Variants in PAPOLA observed in about 807,000 individuals in gnomAD.
PAPOLA encodes polynucleotide adenylyltransferase alpha.
A neutral mutation model predicts 100.6 loss-of-function variants in PAPOLA; 15 were observed. The observed-to-expected ratio is 0.15, with a 90% CI of 0.10 to 0.23. The LOEUF is 0.23. PAPOLA is among the 10% of genes least tolerant of loss of function. PAPOLA has a pLI of 1.00. For missense variants in PAPOLA, 533 were observed against 884.2 expected, an observed-to-expected ratio of 0.60 and a Z score of 5.04; for synonymous variants, 293 against 300.0, an observed-to-expected ratio of 0.98 and a Z score of 0.24.
chr14:96,541,565 A>G, intron 12 of PAPOLA, among the ~76,000 whole-genome samples: 1 of 152,138 alleles, frequency 6.6e-6, no homozygotes, highest in Non-Finnish European at 1.5e-5. Flanking sequence ...TTCATTATTT[A>G]TTTGATCATG....
At chr14:96,527,779 A>T in intron 5 of PAPOLA, 174 bp from the exon 6 acceptor site, 1 of 646,306 alleles carries the variant, frequency 1.5e-6, no homozygotes, top group Non-Finnish European at 2.8e-6. Flanking sequence ...ACAATCATAC[A>T]TCTGATGAGT....
chr14:96,557,631 G>C (rs1204012868), intron 19 of PAPOLA, among the ~76,000 whole-genome samples: 4 of 149,704 alleles, frequency 2.7e-5, no homozygotes, highest in Non-Finnish European at 5.9e-5. Context: ...TTTCTTTAGA[G>C]TGGAAAAAAA....
chr14:96,528,393 G>C (rs554962806), intron 6 of PAPOLA, among the ~76,000 whole-genome samples: 2 of 152,328 alleles, frequency 1.3e-5, no homozygotes, highest in Admixed American at 1.3e-4. Context: ...TGTGAGTGCT[G>C]AAATATCTTC....
Position 96,514,427 on chromosome 14 carries a change from C to T in PAPOLA, c.9-5628C>T, listed in dbSNP as rs183373624. On this transcript the variant is annotated intron_variant, in intron 1 of 21. Coordinates refer to ENST00000216277, the MANE Select transcript of PAPOLA (RefSeq NM_032632.5). ...CGATCTCCTGACGTCGTGATCCGCC[C>T]GCCTTGGCCTCCCAAAGTGCTGGGA... 6.6e-3 allele frequency among the ~76,000 whole-genome samples: 996 copies of T among 151,932 alleles called. 7 individuals carry two copies. Among genetic ancestry groups the T allele is most frequent in the Non-Finnish European group, 9.5e-3 (648 of 67,962 alleles).
At chr14:96,539,377 A>G (rs1306910114) in intron 12 of PAPOLA, among the ~76,000 whole-genome samples, 1 of 152,094 alleles carries the variant, frequency 6.6e-6, no homozygotes, top group Non-Finnish European at 1.5e-5. Context: ...CCAGCTTTTT[A>G]TTGTACATCT....
chr14:96,516,981 C>T (rs1482008558), intron 1 of PAPOLA, among the ~76,000 whole-genome samples: 3 of 151,820 alleles, frequency 2.0e-5, no homozygotes, highest in Non-Finnish European at 2.9e-5. Context: ...ACAGTGGATA[C>T]TCTTTGTTTT....
chr14:96,532,114 C>CTT (rs1899069813), intron 7 of PAPOLA: 6 of 1,359,448 alleles, frequency 4.4e-6, no homozygotes, highest in Non-Finnish European at 5.6e-6. Flanking sequence ...TCAGTGCTTA[C>CTT]AATAGGAGAT....
At chr14:96,531,363 C>G in intron 6 of PAPOLA, 112 bp from the exon 7 acceptor site, 1 of 751,526 alleles carries the variant, frequency 1.3e-6, no homozygotes, top group Non-Finnish European at 2.2e-6. Context: ...CTCAAGTGTT[C>G]CACCTGCCTC....
intron 15 of PAPOLA, among the ~76,000 whole-genome samples, chr14:96,544,932 T>C (rs1256200487): frequency 6.6e-6 from 1 of 152,094 alleles, no homozygotes; most frequent in Non-Finnish European, 1.5e-5. Flanking sequence ...TGAAAGGTAG[T>C]TCATTTTAAC....
intron 15 of PAPOLA, among the ~76,000 whole-genome samples, chr14:96,544,705 C>T (rs979228049): frequency 3.9e-5 from 6 of 151,958 alleles, no homozygotes; most frequent in South Asian, 2.1e-4. Context: ...ACTTGACTTG[C>T]GCATAATTTC....
At chr14:96,503,993 A>G (rs1010432428) in intron 1 of PAPOLA, among the ~76,000 whole-genome samples, 1 of 152,226 alleles carries the variant, frequency 6.6e-6, no homozygotes, top group Non-Finnish European at 1.5e-5. Flanking sequence ...TTAACTAACT[A>G]TACAGGTCTA....
At chr14:96,534,251 A>C in intron 9 of PAPOLA, 1 of 1,333,414 alleles carries the variant, frequency 7.5e-7, no homozygotes, top group East Asian at 2.9e-5. Flanking sequence ...AAGTTCTTTG[A>C]GTGGCAGAGA....
chr14:96,559,550 CCTCT>C (rs66829530), intron 19 of PAPOLA, among the ~76,000 whole-genome samples: 272 of 118,470 alleles, frequency 2.3e-3, no homozygotes, highest in Admixed American at 3.7e-3. Context: ...GCTAAATTAA[CCTCT>C]CTCTCTCTCT....
At chr14:96,533,249 C>T (rs1899201779) in intron 9 of PAPOLA, 2 of 983,504 alleles carry the variant, frequency 2.0e-6, no homozygotes, top group Non-Finnish European at 2.4e-6. Flanking sequence ...AGATTACTGC[C>T]ATTTTATATT....
chr14:96,548,347 A>G (rs928908242), intron 16 of PAPOLA, among the ~76,000 whole-genome samples: 2 of 152,154 alleles, frequency 1.3e-5, no homozygotes, highest in African/African-American at 2.4e-5. Flanking sequence ...AATATAACGT[A>G]TATTAAAAAC....
At chr14:96,517,470 G>C (rs1897559851) in intron 1 of PAPOLA, among the ~76,000 whole-genome samples, 1 of 152,092 alleles carries the variant, frequency 6.6e-6, no homozygotes. Flanking sequence ...TATGCTAATG[G>C]AACTACAAGT....
chr14:96,524,512 C>G (rs1898288701), intron 3 of PAPOLA, among the ~76,000 whole-genome samples: 1 of 151,586 alleles, frequency 6.6e-6, no homozygotes. Flanking sequence ...TTCCCTTCTT[C>G]CCCTCTTCCC....
intron 12 of PAPOLA, chr14:96,542,034 G>GT: frequency 2.8e-6 from 1 of 361,412 alleles, no homozygotes; most frequent in Non-Finnish European, 5.0e-6. Flanking sequence ...TATTCATAAA[G>GT]TCACTGCCTT....
In PAPOLA at chr14:96,566,115, C is replaced by A; in HGVS notation, c.*1065C>A. 2.6e-6 allele frequency: 1 copy of A among 391,486 alleles called. No individual in the cohort carries two copies. 24.3% of individuals were successfully genotyped at this position (391,486 alleles called of 1,614,324 possible). ...GAATTTTGTACACTCCACAGAACTC[C>A]TATCTATAGTAAAATTGATTTTCAG... On this transcript the variant is annotated 3_prime_UTR_variant, in exon 22 of 22. Coordinates refer to ENST00000216277, the MANE Select transcript of PAPOLA (RefSeq NM_032632.5).
Sources: gnomAD v4.1 joint callset for allele counts (sites outside exome capture counted in the v4.1 genomes callset) on GRCh38, gnomAD v4.1.1 for gene constraint, MANE v1.5 for transcripts, NCBI Gene and HGNC (gene_info 2026-07-23, HGNC 2026-07-21) for gene names.